The following GALNT13 variants were observed in gnomAD, a reference collection of about 807,000 sequenced individuals.
GALNT13 encodes the protein polypeptide N-acetylgalactosaminyltransferase 13.
GALNT13 carries 28 observed loss-of-function variants against 64.2 expected under a neutral mutation model. The ratio of observed to expected loss-of-function variants is 0.44; its 90% CI spans 0.32 to 0.60. The LOEUF is 0.60. Ranked by LOEUF, GALNT13 falls within the 20% of genes least tolerant of loss-of-function variation. The pLI is 0.05. For synonymous variants in GALNT13, 214 were observed against 224.6 expected (o/e 0.95, Z 0.42); for missense variants, 577 against 669.8 (o/e 0.86, Z 1.53).
chr2:153,823,762 A>G, the GALNT13 span, among the ~76,000 whole-genome samples: 5 of 152,210 alleles, frequency 3.3e-5, no homozygotes, highest in African/African-American at 1.2e-4. Flanking sequence ...ACAAAAATTG[A>G]CAAGTGGGAT....
the GALNT13 span, among the ~76,000 whole-genome samples, chr2:153,859,176 G>A: frequency 1.3e-5 from 2 of 152,174 alleles, no homozygotes; most frequent in Non-Finnish European, 2.9e-5. Flanking sequence ...TCTTGGTCCG[G>A]TTAGCTTCTT....
At chr2:153,663,654 G>C in the GALNT13 span, among the ~76,000 whole-genome samples, 1 of 152,102 alleles carries the variant, frequency 6.6e-6, no homozygotes, top group African/African-American at 2.4e-5. Flanking sequence ...CAAACTGGGG[G>C]ACATCATTGT....
chr2:154,040,788 A>T (rs1698929724), intron 3 of GALNT13, among the ~76,000 whole-genome samples: 1 of 140,552 alleles, frequency 7.1e-6, no homozygotes, highest in Non-Finnish European at 1.6e-5. Context: ...TGATTTCATC[A>T]GCAAGATACA....
At chr2:154,449,597 G>A (rs983931189) in intron 12 of GALNT13, among the ~76,000 whole-genome samples, 1 of 151,450 alleles carries the variant, frequency 6.6e-6, no homozygotes, top group Non-Finnish European at 1.5e-5. Context: ...CCTAGGTATT[G>A]CCCATGAAAT....
chr2:154,190,523 A>G (rs899469009), intron 4 of GALNT13, among the ~76,000 whole-genome samples: 2 of 152,238 alleles, frequency 1.3e-5, no homozygotes, highest in Non-Finnish European at 2.9e-5. Context: ...TTCGGTTTAA[A>G]CAAGTTTCTT....
chr2:153,664,409 C>G, the GALNT13 span, among the ~76,000 whole-genome samples: 2 of 152,140 alleles, frequency 1.3e-5, no homozygotes, highest in Admixed American at 1.3e-4. Flanking sequence ...CTCCCTTGTT[C>G]CCTGAAAATC....
chr2:153,408,353 A>C, the GALNT13 span, among the ~76,000 whole-genome samples: 4 of 152,144 alleles, frequency 2.6e-5, no homozygotes, highest in Admixed American at 2.6e-4. Flanking sequence ...CCGGCATATG[A>C]TCAAGCTACA....
intron 4 of GALNT13, among the ~76,000 whole-genome samples, chr2:154,161,056 CA>C (rs780101791): frequency 3.3e-5 from 5 of 152,168 alleles, no homozygotes; most frequent in African/African-American, 7.2e-5. Context: ...ATACAAGCCT[CA>C]AAGTCAGGAA....
intron 3 of GALNT13, among the ~76,000 whole-genome samples, chr2:153,980,197 C>T (rs950444956): frequency 6.6e-6 from 1 of 152,020 alleles, no homozygotes; most frequent in East Asian, 1.9e-4. Flanking sequence ...GTGACATGGT[C>T]AAATCATTGT....
chr2:153,402,428 G>C, the GALNT13 span, among the ~76,000 whole-genome samples: 1 of 151,494 alleles, frequency 6.6e-6, no homozygotes, highest in African/African-American at 2.4e-5. Context: ...TTCTCAAGGA[G>C]TATCTTTGTG....
At chr2:153,708,111 C>T in the GALNT13 span, among the ~76,000 whole-genome samples, 1 of 151,978 alleles carries the variant, frequency 6.6e-6, no homozygotes, top group Non-Finnish European at 1.5e-5. Context: ...ATTTCCGTCA[C>T]CAATTTCTGT....
At chr2:154,057,606 A>G (rs906994428) in intron 3 of GALNT13, among the ~76,000 whole-genome samples, 3 of 152,186 alleles carry the variant, frequency 2.0e-5, no homozygotes, top group Admixed American at 2.0e-4. Context: ...TAGCGGAACA[A>G]AGAGAAGTAG....
At chr2:153,434,292 A>G in the GALNT13 span, among the ~76,000 whole-genome samples, 8 of 152,114 alleles carry the variant, frequency 5.3e-5, no homozygotes, top group South Asian at 2.1e-4. Flanking sequence ...ATAAACATAC[A>G]TGTGCATGTG....
chr2:153,345,706 T>TCCC, the GALNT13 span, among the ~76,000 whole-genome samples: 4 of 119,166 alleles, frequency 3.4e-5, no homozygotes, highest in African/African-American at 1.2e-4. Context: ...TTTCTTTCTC[T>TCCC]TTCTCTCTTT....
At chr2:153,455,408 C>A in the GALNT13 span, among the ~76,000 whole-genome samples, 18 of 152,198 alleles carry the variant, frequency 1.2e-4, no homozygotes, top group African/African-American at 4.3e-4. Flanking sequence ...CTCAACTCCT[C>A]CGCTGAAGGG....
At chr2:154,220,929 C>T (rs906100944) in intron 4 of GALNT13, among the ~76,000 whole-genome samples, 8 of 151,824 alleles carry the variant, frequency 5.3e-5, no homozygotes, top group African/African-American at 1.2e-4. Context: ...TTTAGATGAG[C>T]GCAAAGAAAT....
chr2:153,277,696 G>A, the GALNT13 span, among the ~76,000 whole-genome samples: 1 of 151,898 alleles, frequency 6.6e-6, no homozygotes, highest in African/African-American at 2.4e-5. Flanking sequence ...CCTTTTCTCA[G>A]CAGCCTCACC....
chr2:154,128,374 A>G (rs572894001), intron 3 of GALNT13, among the ~76,000 whole-genome samples: 1 of 152,234 alleles, frequency 6.6e-6, no homozygotes, highest in South Asian at 2.1e-4. Context: ...TGCTTGCATT[A>G]TTTAGTTAGC....
At chr2:153,100,633 G>A in the GALNT13 span, among the ~76,000 whole-genome samples, 4 of 152,164 alleles carry the variant, frequency 2.6e-5, no homozygotes, top group African/African-American at 7.2e-5. Flanking sequence ...TATTCTGTTT[G>A]ACCTTAAATA....
Sources: gnomAD v4.1 joint callset for allele counts (sites outside exome capture counted in the v4.1 genomes callset) on GRCh38, gnomAD v4.1.1 for gene constraint, MANE v1.5 for transcripts, NCBI Gene and HGNC (gene_info 2026-07-23, HGNC 2026-07-21) for gene names.